The following DNAH9 variants were observed in gnomAD, a reference collection of about 807,000 sequenced individuals.
DNAH9 encodes DNAH9 variant protein.
In DNAH9, 345 loss-of-function variants were observed where a neutral mutation model predicts 471.6. That is an observed-to-expected ratio of 0.73 (90% CI 0.67 to 0.80). The LOEUF is 0.80. Among genes scored for constraint, DNAH9 ranks in the 30% least tolerant of loss-of-function variants. The pLI is 0.00. For synonymous variants in DNAH9, 2,093 were observed against 2,123.6 expected (o/e 0.99, Z 0.40); for missense variants, 5,407 against 5,609.2 (o/e 0.96, Z 1.15).
chr17:11,872,245 C>T (rs983226382), intron 52 of DNAH9, among the ~76,000 whole-genome samples: 5 of 152,160 alleles, frequency 3.3e-5, no homozygotes, highest in Non-Finnish European at 7.3e-5. Context: ...TATCCTTCGT[C>T]GGCTTCCGTC....
chr17:11,791,681 A>G (rs1969068965), intron 41 of DNAH9, among the ~76,000 whole-genome samples: 1 of 152,176 alleles, frequency 6.6e-6, no homozygotes, highest in Non-Finnish European at 1.5e-5. Flanking sequence ...ACTGCACTCC[A>G]GTCTGGGTGA....
intron 50 of DNAH9, among the ~76,000 whole-genome samples, chr17:11,855,972 TG>T (rs774400177): frequency 8.5e-5 from 13 of 152,114 alleles, no homozygotes; most frequent in Non-Finnish European, 1.5e-4. Context: ...AAGGATGTGA[TG>T]TGTATAAAGC....
Position 11,773,732 on chromosome 17 carries a change from T to A in DNAH9, c.7552+4403T>A, listed in dbSNP as rs78356541. Among the ~76,000 whole-genome samples the A allele has an allele frequency of 9.2e-3, 1,397 of 152,298 alleles. 24 individuals carry two copies. The highest frequency in any genetic ancestry group is 0.032 in the African/African-American group (1,350 of 41,552). On this transcript the variant is annotated intron_variant, in intron 38 of 68. Transcript: ENST00000262442. ...TTAATTATAAAATATTTCAAACATG[T>A]ACAAAAGTACAGAAAACAATATAAC...
At chr17:11,646,994 T>G (rs755380270) in intron 11 of DNAH9, 78 bp from the exon 12 acceptor site, 36 of 1,488,656 alleles carry the variant, frequency 2.4e-5, no homozygotes, top group Non-Finnish European at 3.1e-5. Flanking sequence ...TATCTTCAAT[T>G]TATGTTACAG....
intron 32 of DNAH9, 94 bp from the exon 33 acceptor site, chr17:11,752,739 C>G: frequency 2.0e-6 from 2 of 1,021,046 alleles, no homozygotes; most frequent in Non-Finnish European, 2.8e-6. Context: ...TGTACGCCCC[C>G]TTCTGTGTGT....
rs372820957 is a variant in DNAH9, at chr17:11,603,853, C to T, written c.418-4276C>T. On this transcript the variant is annotated intron_variant, in intron 1 of 68. Transcript: ENST00000262442. ...ATGATCTCCACTTGACTAAATTGAA[C>T]GGCCCTGAATCAGTCCTCGTTCGGC... Among the ~76,000 whole-genome samples the T allele has an allele frequency of 5.9e-5, 9 of 152,202 alleles. No individual in the cohort carries two copies. The East Asian group carries it at 1.2e-3, about 20-fold the overall frequency.
At chr17:11,870,168 G>A (rs8080096) in intron 51 of DNAH9, among the ~76,000 whole-genome samples, 2,295 of 152,332 alleles carry the variant, frequency 0.015, 51 homozygotes, top group African/African-American at 0.052. Flanking sequence ...CTGAAAACTG[G>A]CACAACAGCA....
rs940333414 is a variant in DNAH9, at chr17:11,640,159, T to C, written c.1787-111T>C. 7.5e-6 allele frequency: 5 copies of C among 665,234 alleles called. No homozygotes were observed. The African/African-American group carries it at 9.1e-5, about 12-fold the overall frequency. 41.2% of individuals were successfully genotyped at this position (665,234 alleles called of 1,614,324 possible). On this transcript the variant is annotated intron_variant, in intron 9 of 68. Transcript: ENST00000262442. ...ACTCCAGTGTGCTCCCAGGTGACTT[T>C]AGTCTGGAGATAATGAGGCAAAAGT...
In DNAH9 at chr17:11,769,404, G is replaced by A. The variant is rs574619599; in HGVS notation, c.7552+75G>A. On this transcript the variant is annotated intron_variant, in intron 38 of 68. Coordinates refer to ENST00000262442, the MANE Select transcript of DNAH9 (RefSeq NM_001372.4). Reference sequence around the variant, plus strand: ...ACCTGACACAGAGCTGAAGCCAAGCGTCAGGTGCCTGCCTGACTTGAGTTC... The same window carrying A: ...ACCTGACACAGAGCTGAAGCCAAGCATCAGGTGCCTGCCTGACTTGAGTTC... The A allele has an allele frequency of 1.4e-4, 191 of 1,364,320 alleles. 1 individual carries two copies. Among genetic ancestry groups the A allele is most frequent in the Middle Eastern group, 9.3e-4 (4 of 4,294 alleles). 84.5% of individuals were successfully genotyped at this position (1,364,320 alleles called of 1,614,324 possible).
At chr17:11,890,259 T>G (rs370756309) in intron 57 of DNAH9, among the ~76,000 whole-genome samples, 1 of 152,272 alleles carries the variant, frequency 6.6e-6, no homozygotes, top group East Asian at 1.9e-4. Context: ...TCTGTGGTGC[T>G]GGGGGGACAT....
At chr17:11,637,304 GA>G (rs2073183495) in intron 9 of DNAH9, among the ~76,000 whole-genome samples, 1 of 152,168 alleles carries the variant, frequency 6.6e-6, no homozygotes, top group Non-Finnish European at 1.5e-5. Context: ...TACATTTATT[GA>G]GTCCTTACTA....
chr17:11,898,164 C>T (rs111684513), intron 59 of DNAH9, among the ~76,000 whole-genome samples: 4 of 149,852 alleles, frequency 2.7e-5, no homozygotes, highest in South Asian at 2.1e-4. Flanking sequence ...CTCGCTGTGT[C>T]GCCAGGCTGG....
intron 50 of DNAH9, among the ~76,000 whole-genome samples, chr17:11,861,669 C>T (rs547939079): frequency 2.1e-4 from 32 of 152,072 alleles, no homozygotes; most frequent in African/African-American, 7.2e-4. Flanking sequence ...TATTTCTCCA[C>T]ATCTTCTCCA....
intron 41 of DNAH9, among the ~76,000 whole-genome samples, chr17:11,790,334 A>G (rs754168860): frequency 6.6e-6 from 1 of 152,020 alleles, no homozygotes; most frequent in Non-Finnish European, 1.5e-5. Flanking sequence ...CACTTTATAT[A>G]TTTTGAAACT....
At chr17:11,637,269 A>G (rs1046661516) in intron 9 of DNAH9, among the ~76,000 whole-genome samples, 20 of 152,328 alleles carry the variant, frequency 1.3e-4, no homozygotes, top group African/African-American at 4.8e-4. Flanking sequence ...GCTGCGTGTC[A>G]AAACAAATGC....
At chr17:11,765,482 T>G (rs1967894215) in intron 36 of DNAH9, among the ~76,000 whole-genome samples, 1 of 152,224 alleles carries the variant, frequency 6.6e-6, no homozygotes. Flanking sequence ...CCCTGGCTGT[T>G]AACATCCGTC....
At chr17:11,647,559 A>G (rs1325069480) in intron 12 of DNAH9, among the ~76,000 whole-genome samples, 1 of 152,168 alleles carries the variant, frequency 6.6e-6, no homozygotes, top group African/African-American at 2.4e-5. Context: ...ATTTTGCACA[A>G]CAGGAAGTAC....
rs756020074 is a variant in DNAH9, at chr17:11,707,959, C to CCA, written c.5552+2829_5552+2830dup. On this transcript the variant is annotated intron_variant, in intron 26 of 68. Coordinates refer to ENST00000262442, the MANE Select transcript of DNAH9 (RefSeq NM_001372.4). ...TGTTTCTAAAAGGCAGCCTCTCCCA[C>CCA]CACACACACACACACACACACACAC... 2.7e-4 allele frequency among the ~76,000 whole-genome samples: 29 copies of CCA among 106,572 alleles called. No individual in the cohort carries two copies. The East Asian group carries it at 3.1e-3, about 11-fold the overall frequency. 69.9% of individuals were successfully genotyped at this position (106,572 alleles called of 152,430 possible).
intron 28 of DNAH9, among the ~76,000 whole-genome samples, chr17:11,731,791 G>T (rs1333775149): frequency 6.6e-6 from 1 of 152,002 alleles, no homozygotes; most frequent in Non-Finnish European, 1.5e-5. Flanking sequence ...TCTTAATCCA[G>T]TCTATCATTG....
Sources: allele counts gnomAD v4.1 joint callset (sites outside exome capture counted in the v4.1 genomes callset), GRCh38; gene constraint gnomAD v4.1.1; transcripts MANE v1.5; gene names NCBI Gene and HGNC (gene_info 2026-07-23, HGNC 2026-07-21).